CRISP1: variants seen among roughly 807,000 people sequenced by gnomAD.
The protein encoded by CRISP1 is cysteine rich secretory protein 1.
Under a neutral mutation model 33.1 loss-of-function variants are expected in CRISP1, and 44 were observed. That is an observed-to-expected ratio of 1.33 (90% CI 1.05 to 1.71). The LOEUF is 1.71. Ranked by LOEUF, CRISP1 falls within the 40% of genes most tolerant of loss-of-function variation. The pLI is 0.00. For missense variants in CRISP1, 390 were observed against 301.2 expected, an observed-to-expected ratio of 1.29 and a Z score of -2.18; for synonymous variants, 103 against 98.7, an observed-to-expected ratio of 1.04 and a Z score of -0.26.
chr6:49,842,868 T>A (rs1255437286), intron 5 of CRISP1, among the ~76,000 whole-genome samples: 1 of 152,204 alleles, frequency 6.6e-6, no homozygotes. Flanking sequence ...ACTGGTGGAA[T>A]GTAAAATGTT....
intron 6 of CRISP1, 91 bp from the exon 7 acceptor site, chr6:49,838,616 A>C: frequency 2.3e-6 from 2 of 863,314 alleles, no homozygotes; most frequent in Non-Finnish European, 3.6e-6. Context: ...TTAAAAACAA[A>C]TTGTGTAAAC....
At chr6:49,856,259 G>GC (rs1771494798) in intron 2 of CRISP1, among the ~76,000 whole-genome samples, 1 of 152,118 alleles carries the variant, frequency 6.6e-6, no homozygotes, top group Non-Finnish European at 1.5e-5. Flanking sequence ...CTAGTACTAG[G>GC]TCTTGATGGC....
intron 1 of CRISP1, among the ~76,000 whole-genome samples, chr6:49,862,272 C>A (rs1771674392): frequency 1.3e-5 from 2 of 151,686 alleles, no homozygotes; most frequent in Admixed American, 1.3e-4. Context: ...TAAATTTTAC[C>A]AAAGAGGTGA....
upstream of CRISP1, among the ~76,000 whole-genome samples, chr6:49,867,482 G>T (rs1771825713): frequency 6.6e-6 from 1 of 151,944 alleles, no homozygotes; most frequent in African/African-American, 2.4e-5. Context: ...AAGGGCAATT[G>T]AATATCTAAA....
chr6:49,873,985 C>T (rs1771980062), intron 1 of CRISP1, among the ~76,000 whole-genome samples: 1 of 151,916 alleles, frequency 6.6e-6, no homozygotes, highest in Non-Finnish European at 1.5e-5. Context: ...TTCCTTAACC[C>T]ACAGTTACTT....
At chr6:49,876,172 C>T (rs992482985) in intron 1 of CRISP1, among the ~76,000 whole-genome samples, 47 of 151,862 alleles carry the variant, frequency 3.1e-4, no homozygotes, top group African/African-American at 9.9e-4. Context: ...CAAGAGAGTA[C>T]AAGGAACTTA....
At chr6:49,855,442 A>ATT (rs61621803) in intron 2 of CRISP1, among the ~76,000 whole-genome samples, 14,334 of 145,928 alleles carry the variant, frequency 0.098, 921 homozygotes, top group Non-Finnish European at 0.15. Flanking sequence ...CTTATCTCTG[A>ATT]TTTTTTTTTT....
chr6:49,863,069 G>T (rs1451900818), intron 1 of CRISP1, among the ~76,000 whole-genome samples: 1 of 152,134 alleles, frequency 6.6e-6, no homozygotes. Context: ...AGGTAAAGCC[G>T]AAGGGATGGA....
At chr6:49,873,143 C>T (rs1402463915) in intron 1 of CRISP1, among the ~76,000 whole-genome samples, 1 of 151,404 alleles carries the variant, frequency 6.6e-6, no homozygotes, top group Admixed American at 6.6e-5. Context: ...GCACACTGTG[C>T]ACATGTACCC....
At chr6:49,836,743 C>T (rs1582251900) in intron 7 of CRISP1, among the ~76,000 whole-genome samples, 1 of 152,144 alleles carries the variant, frequency 6.6e-6, no homozygotes, top group Non-Finnish European at 1.5e-5. Flanking sequence ...ACTGATTCAC[C>T]TTCCAGGAAC....
chr6:49,871,526 A>G (rs1478560715), upstream of CRISP1, among the ~76,000 whole-genome samples: 1 of 149,882 alleles, frequency 6.7e-6, no homozygotes, highest in African/African-American at 2.4e-5. Context: ...AAAAAGGGAT[A>G]AGCCAAATGC....
At chr6:49,840,291 A>T (rs1045282952) in intron 6 of CRISP1, among the ~76,000 whole-genome samples, 2 of 152,242 alleles carry the variant, frequency 1.3e-5, no homozygotes, top group African/African-American at 4.8e-5. Context: ...AAGGTGCAGC[A>T]GAACCTTACT....
rs1770880467 is a variant in CRISP1 at position 49,838,540 on chromosome 6, A to G, written c.534-15T>C. 1 of 1,597,630 alleles carries G rather than the reference A, an allele frequency of 6.3e-7. No individual in the cohort carries two copies. Among genetic ancestry groups the G allele is most frequent in the African/African-American group, 1.3e-5 (1 of 74,258 alleles). On this transcript the variant is annotated splice_polypyrimidine_tract_variant and intron_variant, in intron 6 of 7. Coordinates refer to ENST00000335847, the MANE Select transcript of CRISP1 (RefSeq NM_001131.3). ...GATCATTTCCCCTTGAATAAAAAAA[A>G]GTGATTTCATAAAACCCATCTTTGA...
intron 1 of CRISP1, among the ~76,000 whole-genome samples, chr6:49,858,948 T>G (rs994889187): frequency 6.6e-6 from 1 of 151,758 alleles, no homozygotes; most frequent in Admixed American, 6.6e-5. Context: ...ATGAAACACC[T>G]AAAGCAAAAA....
At chr6:49,845,975 C>T (rs895154636) in intron 5 of CRISP1, among the ~76,000 whole-genome samples, 1 of 151,900 alleles carries the variant, frequency 6.6e-6, no homozygotes, top group Admixed American at 6.6e-5. Flanking sequence ...TGCCAGAGGT[C>T]TGGGGAAGTA....
chr6:49,859,633 C>G (rs1383937986), intron 1 of CRISP1, among the ~76,000 whole-genome samples: 9 of 151,856 alleles, frequency 5.9e-5, no homozygotes, highest in Non-Finnish European at 1.0e-4. Flanking sequence ...AGAGCAAACA[C>G]AAATAAGGAA....
chr6:49,863,951 T>C (rs541410167), intron 1 of CRISP1, among the ~76,000 whole-genome samples: 1 of 152,330 alleles, frequency 6.6e-6, no homozygotes, highest in South Asian at 2.1e-4. Context: ...AAGTCTTAAG[T>C]GTATAGTTTG....
intron 2 of CRISP1, among the ~76,000 whole-genome samples, chr6:49,853,510 G>A (rs1256023416): frequency 2.0e-5 from 3 of 151,980 alleles, no homozygotes; most frequent in Non-Finnish European, 4.4e-5. Flanking sequence ...TTCTCCTTCA[G>A]TCCTCTTTAT....
At chr6:49,870,276 T>C (rs1282681413), upstream of CRISP1, among the ~76,000 whole-genome samples, 2 of 152,146 alleles carry the variant, frequency 1.3e-5, no homozygotes, top group Non-Finnish European at 2.9e-5. Context: ...CACAAAAAGA[T>C]GACATACTCA....
Sources: allele counts gnomAD v4.1 joint callset (sites outside exome capture counted in the v4.1 genomes callset), GRCh38; gene constraint gnomAD v4.1.1; transcripts MANE v1.5; gene names NCBI Gene and HGNC (gene_info 2026-07-23, HGNC 2026-07-21).